SRPK1: variants seen among roughly 807,000 people sequenced by gnomAD.
SRPK1 encodes the protein SFRS protein kinase 1.
SRPK1 carries 52 observed loss-of-function variants against 89.5 expected under a neutral mutation model. The ratio of observed to expected loss-of-function variants is 0.58; its 90% CI spans 0.46 to 0.73. The LOEUF (loss-of-function observed/expected upper bound fraction) is 0.73. SRPK1 is among the 30% of genes least tolerant of loss of function. The probability of loss-of-function intolerance (pLI) is 0.00; values close to 1 mark genes in which losing one functional copy is unlikely to be tolerated. For missense variants in SRPK1, 603 were observed against 780.6 expected, an observed-to-expected ratio of 0.77 and a Z score of 2.71; for synonymous variants, 255 against 270.2, an observed-to-expected ratio of 0.94 and a Z score of 0.55.
At chr6:35,874,373 A>C in intron 6 of SRPK1, 34 bp from the exon 7 acceptor site, 1 of 1,455,160 alleles carries the variant, frequency 6.9e-7, no homozygotes, top group Non-Finnish European at 9.6e-7. Flanking sequence ...AAAACGGCAC[A>C]AAAGAAGAAC....
chr6:35,915,178 C>A (rs1407443726), intron 2 of SRPK1, among the ~76,000 whole-genome samples: 1 of 151,976 alleles, frequency 6.6e-6, no homozygotes, highest in Non-Finnish European at 1.5e-5. Context: ...CTGAGGCGGG[C>A]AGAACGCGAC....
intron 13 of SRPK1, among the ~76,000 whole-genome samples, chr6:35,856,045 A>G (rs1769659385): frequency 6.6e-6 from 1 of 152,194 alleles, no homozygotes; most frequent in Admixed American, 6.5e-5. Context: ...GTTTTAGATG[A>G]AAGTTGGACA....
At chr6:35,920,884 G>T in intron 1 of SRPK1, 160 bp downstream of exon 1, 1 of 706,734 alleles carries the variant, frequency 1.4e-6, no homozygotes, top group Non-Finnish European at 2.1e-6. Flanking sequence ...GCGCGGACCC[G>T]CAGCCCAGAG....
chr6:35,873,793 A>G (rs752038254), intron 7 of SRPK1, among the ~76,000 whole-genome samples: 238 of 148,988 alleles, frequency 1.6e-3, no homozygotes, highest in Non-Finnish European at 2.9e-3. Flanking sequence ...CCCAGCCAAT[A>G]ACTTACTTTT....
chr6:35,890,178 G>C (rs9470157), intron 3 of SRPK1, among the ~76,000 whole-genome samples: 1 of 151,738 alleles, frequency 6.6e-6, no homozygotes, highest in Non-Finnish European at 1.5e-5. Context: ...CACAAGAATC[G>C]CTTGAATCCA....
chr6:35,839,423 A>G (rs1313846658), intron 14 of SRPK1, among the ~76,000 whole-genome samples: 1 of 152,244 alleles, frequency 6.6e-6, no homozygotes, highest in Non-Finnish European at 1.5e-5. Flanking sequence ...CAATGATCTT[A>G]TGTCTTGTCT....
chr6:35,885,607 G>A (rs570726551), intron 6 of SRPK1, among the ~76,000 whole-genome samples: 2 of 152,160 alleles, frequency 1.3e-5, no homozygotes, highest in Admixed American at 6.5e-5. Flanking sequence ...CAGCAATTAG[G>A]AATGTGCATT....
At chr6:35,902,448 C>CA (rs1015685427) in intron 2 of SRPK1, among the ~76,000 whole-genome samples, 2 of 150,962 alleles carry the variant, frequency 1.3e-5, no homozygotes, top group African/African-American at 4.9e-5. Flanking sequence ...AATAAAAATC[C>CA]AAAAAAAAGT....
chr6:35,835,302 G>A lies in SRPK1; in HGVS notation c.*2C>T. 6.2e-7 allele frequency: 1 copy of A among 1,612,526 alleles called. No homozygotes were observed. Among genetic ancestry groups the A allele is most frequent in the Non-Finnish European group, 8.5e-7 (1 of 1,179,230 alleles). ...ATCTCTGCTGTGGTGCTGGGCAGGG[G>A]CTTAGGAGTTAAGCCAAGGGTGCCG... is the stretch of plus-strand genomic sequence containing the variant. On this transcript the variant is annotated 3_prime_UTR_variant, in exon 16 of 16. Coordinates refer to ENST00000373825, the MANE Select transcript of SRPK1 (RefSeq NM_003137.5).
intron 8 of SRPK1, 29 bp from the exon 9 acceptor site, chr6:35,870,988 T>C (rs752565061): frequency 6.2e-7 from 1 of 1,600,622 alleles, no homozygotes; most frequent in South Asian, 1.1e-5. Flanking sequence ...CAAGTAAGAA[T>C]TCTGGCATTC....
At position 35,901,475 on chromosome 6, in the gene SRPK1, C is replaced by G. The variant is rs557138926; in HGVS notation, c.75-10462G>C. Among the ~76,000 whole-genome samples, 3 of 152,368 alleles carry G rather than the reference C, an allele frequency of 2.0e-5. No homozygotes were observed. In the East Asian group the frequency reaches 5.8e-4, roughly 29 times the overall value. ...ACAGCCCTCAAAAGGAATCAACCCT[C>G]TGACACCTTTTAGACTTCTAGCCTG... On this transcript the variant is annotated intron_variant, in intron 2 of 15. Transcript: ENST00000373825.
intron 6 of SRPK1, among the ~76,000 whole-genome samples, chr6:35,882,118 C>CTAGTAGTAG (rs59881690): frequency 0.017 from 2,422 of 140,134 alleles, 18 homozygotes; most frequent in Middle Eastern, 0.033. Context: ...AGTAGTAGTA[C>CTAGTAGTAG]TAGTAGTAGT....
chr6:35,876,459 G>A (rs1173612133), intron 6 of SRPK1, among the ~76,000 whole-genome samples: 1 of 152,112 alleles, frequency 6.6e-6, no homozygotes, highest in South Asian at 2.1e-4. Context: ...GGGCAACAAG[G>A]TGAAACCCTG....
chr6:35,874,718 A>G (rs1038815965), intron 6 of SRPK1, among the ~76,000 whole-genome samples: 2 of 152,254 alleles, frequency 1.3e-5, no homozygotes, highest in Non-Finnish European at 2.9e-5. Flanking sequence ...ATTGGTGTCC[A>G]GGGTAAAAAT....
At chr6:35,843,920 A>G (rs1769372310) in intron 13 of SRPK1, among the ~76,000 whole-genome samples, 4 of 151,680 alleles carry the variant, frequency 2.6e-5, no homozygotes, top group South Asian at 4.2e-4. Context: ...ATCCTTGGGA[A>G]TAAGTGCCAT....
chr6:35,911,465 A>T (rs890780836), intron 2 of SRPK1, among the ~76,000 whole-genome samples: 1 of 152,152 alleles, frequency 6.6e-6, no homozygotes, highest in African/African-American at 2.4e-5. Context: ...CTGTAATCCC[A>T]GCACTTTGGG....
intron 12 of SRPK1, among the ~76,000 whole-genome samples, chr6:35,864,769 TTTAAGATTTG>T (rs1203069609): frequency 6.6e-6 from 1 of 152,154 alleles, no homozygotes; most frequent in Non-Finnish European, 1.5e-5. Flanking sequence ...ATTCACAATA[TTTAAGATTTG>T]GAAGCAACCT....
At chr6:35,891,727 CAAAA>C (rs71540131) in intron 2 of SRPK1, among the ~76,000 whole-genome samples, 2 of 93,980 alleles carry the variant, frequency 2.1e-5, no homozygotes, top group African/African-American at 3.9e-5. Flanking sequence ...AACTCTGTCT[CAAAA>C]AAAAAAAAAA....
chr6:35,920,452 G>T lies in SRPK1; in HGVS notation c.74+16C>A. On this transcript the variant is annotated intron_variant, in intron 2 of 15. Transcript: ENST00000373825. ...AGGAAAATCCAAAGAATGGGATGTTGGGGTACAAGACTCACTTCCTTTGGG... is the reference window on the plus strand; with the variant it reads ...AGGAAAATCCAAAGAATGGGATGTTTGGGTACAAGACTCACTTCCTTTGGG... 1 of 1,612,260 alleles carries T rather than the reference G, an allele frequency of 6.2e-7. No individual in the cohort carries two copies. Among genetic ancestry groups the T allele is most frequent in the Non-Finnish European group, 8.5e-7 (1 of 1,178,590 alleles).
Sources: allele counts gnomAD v4.1 joint callset (sites outside exome capture counted in the v4.1 genomes callset), GRCh38; gene constraint gnomAD v4.1.1; transcripts MANE v1.5; gene names NCBI Gene and HGNC (gene_info 2026-07-23, HGNC 2026-07-21).